Variants in PUDP observed in about 807,000 individuals in gnomAD.
PUDP encodes the protein pseudouridine-5'-phosphatase.
Under a neutral mutation model 9.4 loss-of-function variants are expected in PUDP, and 8 were observed. That is an observed-to-expected ratio of 0.85 (90% confidence interval 0.50 to 1.53). PUDP has a LOEUF of 1.53. PUDP is among the 40% of genes most tolerant of loss of function. PUDP has a pLI of 0.00. For missense variants in PUDP, 188 were observed against 189.7 expected (o/e 0.99, Z 0.05); for synonymous variants, 99 against 80.7 (o/e 1.23, Z -1.22).
chrX:7,014,035 G>A (rs1055368165), intron 1 of PUDP, among the ~76,000 whole-genome samples: 1 of 110,459 alleles, frequency 9.1e-6, no homozygotes, highest in Non-Finnish European at 1.9e-5. Context: ...CTGGAAGGGG[G>A]AATGGAGTGA....
chrX:6,886,699 A>G (rs1273464524), intron 3 of PUDP, among the ~76,000 whole-genome samples: 3 of 111,098 alleles, frequency 2.7e-5, no homozygotes, highest in Non-Finnish European at 3.8e-5. Context: ...CAGGGACTGG[A>G]GTTAACAGAC....
rs1131197 is a variant in PUDP, at chrX:7,105,637, G to T, written c.263C>A (p.Thr88Lys). ...SQTKLKEVFP[T>K]AALMPGAEKL... ...AACCGCACCTGGCATGAGCGCAGCC[G>T]TGGGGAACACTTCCTTTAACTTCGT... Residue 88 changes from threonine (T) to lysine (K), a missense_variant, in exon 2 of 4, where the codon ACG (threonine) becomes AAG (lysine). Coordinates refer to ENST00000381077, the MANE Select transcript of PUDP (RefSeq NM_012080.5). The T allele has an allele frequency of 1.7e-6, 2 of 1,205,957 alleles. No homozygotes were observed. Among genetic ancestry groups the T allele is most frequent in the East Asian group, 5.9e-5 (2 of 33,731 alleles).
intron 1 of PUDP, among the ~76,000 whole-genome samples, chrX:7,005,030 G>T (rs1929381787): frequency 8.9e-6 from 1 of 111,794 alleles, no homozygotes; most frequent in African/African-American, 3.3e-5. Flanking sequence ...TAAGTCAGTC[G>T]GCAGATGAAG....
intron 3 of PUDP, among the ~76,000 whole-genome samples, chrX:6,934,912 C>A (rs1255662795): frequency 1.2e-5 from 1 of 83,400 alleles, no homozygotes; most frequent in African/African-American, 4.5e-5. Context: ...GTAAAGGGAT[C>A]AATTCAACAA....
intron 3 of PUDP, among the ~76,000 whole-genome samples, chrX:6,801,937 A>G (rs1389483638): frequency 9.0e-6 from 1 of 111,609 alleles, no homozygotes; most frequent in East Asian, 2.8e-4. Context: ...GAATAAATGG[A>G]AAGTTTTATG....
At chrX:6,736,810 T>C (rs1924877522) in intron 3 of PUDP, among the ~76,000 whole-genome samples, 1 of 110,706 alleles carries the variant, frequency 9.0e-6, no homozygotes, top group Non-Finnish European at 1.9e-5. Flanking sequence ...TGAGGACAGA[T>C]AGACACAAAA....
intron 3 of PUDP, among the ~76,000 whole-genome samples, chrX:6,900,505 AAG>A (rs1171454775): frequency 1.1e-5 from 1 of 93,219 alleles, no homozygotes; most frequent in Non-Finnish European, 2.3e-5. Flanking sequence ...GAGGTAGTAA[AAG>A]AGAGAGGGAA....
chrX:6,728,556 T>C (rs1451374052), intron 3 of PUDP, among the ~76,000 whole-genome samples: 1 of 111,886 alleles, frequency 8.9e-6, no homozygotes, highest in Non-Finnish European at 1.9e-5. Context: ...ATTTTGCAGA[T>C]GAGAAAACCA....
At chrX:6,776,026 C>T (rs1467893154) in intron 3 of PUDP, among the ~76,000 whole-genome samples, 3 of 111,966 alleles carry the variant, frequency 2.7e-5, no homozygotes, top group African/African-American at 6.5e-5. Flanking sequence ...CCCTTTCTCA[C>T]GGTGGCTGTG....
intron 1 of PUDP, among the ~76,000 whole-genome samples, chrX:6,985,962 G>A (rs897694136): frequency 2.7e-5 from 3 of 111,933 alleles, no homozygotes; most frequent in Non-Finnish European, 3.8e-5. Context: ...ACAGGTTGCA[G>A]TAAAGAAGCC....
At chrX:7,101,824 A>G (rs1285272379) in intron 2 of PUDP, among the ~76,000 whole-genome samples, 1 of 111,908 alleles carries the variant, frequency 8.9e-6, no homozygotes, top group African/African-American at 3.2e-5. Context: ...TCAGAAATGC[A>G]AGGGGCAACA....
upstream of PUDP, among the ~76,000 whole-genome samples, chrX:6,725,189 C>T (rs1459279619): frequency 4.5e-5 from 5 of 111,600 alleles, no homozygotes; most frequent in Non-Finnish European, 9.4e-5. Flanking sequence ...ATCATCCCTA[C>T]AGGATGGATG....
chrX:6,765,079 C>G (rs1925268363), intron 3 of PUDP, among the ~76,000 whole-genome samples: 1 of 103,189 alleles, frequency 9.7e-6, no homozygotes, highest in Non-Finnish European at 2.0e-5. Context: ...CCAGCCTGGG[C>G]AACGTGGTGA....
At chrX:6,738,422 G>C (rs1341764317) in intron 3 of PUDP, among the ~76,000 whole-genome samples, 7 of 111,474 alleles carry the variant, frequency 6.3e-5, no homozygotes, top group Non-Finnish European at 1.9e-5. Flanking sequence ...GAACCACCTG[G>C]GGAGGCTTAA....
At chrX:6,961,988 T>C (rs1928715073) in intron 3 of PUDP, among the ~76,000 whole-genome samples, 3 of 112,486 alleles carry the variant, frequency 2.7e-5, no homozygotes, top group Admixed American at 1.9e-4. Context: ...TAGGAATTAA[T>C]AAAACATTTT....
At chrX:6,729,821 T>C (rs1173523014) in intron 3 of PUDP, among the ~76,000 whole-genome samples, 2 of 111,359 alleles carry the variant, frequency 1.8e-5, no homozygotes, top group African/African-American at 6.5e-5. Flanking sequence ...CCCTTCCCCT[T>C]TTACCCTCTC....
chrX:7,074,220 G>C (rs149328903), intron 3 of PUDP, among the ~76,000 whole-genome samples: 1 of 112,394 alleles, frequency 8.9e-6, no homozygotes, highest in Non-Finnish European at 1.9e-5. Context: ...TGCCACACCC[G>C]GCTGCGCATG....
intron 1 of PUDP, among the ~76,000 whole-genome samples, chrX:6,994,219 C>G (rs1381735507): frequency 2.7e-5 from 3 of 110,385 alleles, no homozygotes; most frequent in Non-Finnish European, 5.7e-5. Context: ...TTGACACCAG[C>G]CTGGGCAACA....
At chrX:7,080,243 T>A (rs955529452) in intron 2 of PUDP, among the ~76,000 whole-genome samples, 6 of 112,363 alleles carry the variant, frequency 5.3e-5, no homozygotes, top group Non-Finnish European at 1.1e-4. Context: ...ATGAGATAAT[T>A]CTTTGAAAGA....
Sources: gnomAD v4.1 joint callset for allele counts (sites outside exome capture counted in the v4.1 genomes callset) on GRCh38, gnomAD v4.1.1 for gene constraint, MANE v1.5 for transcripts, NCBI Gene and HGNC (gene_info 2026-07-23, HGNC 2026-07-21) for gene names.